The following EAF2 variants were observed in gnomAD, a reference collection of about 807,000 sequenced individuals.
EAF2 encodes ELL associated factor 2, also known as ELL-associated factor 2.
Under a neutral mutation model 29.4 loss-of-function variants are expected in EAF2, and 29 were observed. The observed-to-expected ratio is 0.99, with a 90% CI of 0.73 to 1.35. The LOEUF (loss-of-function observed/expected upper bound fraction) is 1.35. Ranked by LOEUF, EAF2 falls within the 40% of genes most tolerant of loss-of-function variation. The probability of loss-of-function intolerance (pLI) is 0.00; values close to 1 mark genes in which losing one functional copy is unlikely to be tolerated. For missense variants in EAF2, 292 were observed against 312.0 expected, an observed-to-expected ratio of 0.94 and a Z score of 0.48; for synonymous variants, 103 against 102.5, an observed-to-expected ratio of 1.00 and a Z score of -0.03.
intron 5 of EAF2, among the ~76,000 whole-genome samples, chr3:121,873,589 A>G (rs993914614): frequency 2.0e-5 from 3 of 151,778 alleles, no homozygotes; most frequent in African/African-American, 7.2e-5. Flanking sequence ...TTTTTTCACA[A>G]TTCTAATACA....
intron 4 of EAF2, among the ~76,000 whole-genome samples, chr3:121,870,747 A>G (rs1236561350): frequency 2.0e-5 from 3 of 152,186 alleles, no homozygotes; most frequent in Non-Finnish European, 2.9e-5. Flanking sequence ...TGGACAAAAG[A>G]TTTGAACAGG....
chr3:121,859,484 T>G (rs946555621), intron 4 of EAF2, among the ~76,000 whole-genome samples: 1 of 152,152 alleles, frequency 6.6e-6, no homozygotes, highest in Non-Finnish European at 1.5e-5. Context: ...TTGTTATTGG[T>G]GTATAGGAAT....
intron 5 of EAF2, among the ~76,000 whole-genome samples, chr3:121,874,044 A>G (rs372867573): frequency 6.6e-6 from 1 of 151,842 alleles, no homozygotes; most frequent in African/African-American, 2.4e-5. Context: ...TTTGCTTATC[A>G]TTGAATTCTT....
intron 2 of EAF2, 73 bp downstream of exon 2, chr3:121,844,620 C>T: frequency 2.0e-6 from 2 of 1,022,444 alleles, no homozygotes; most frequent in South Asian, 1.5e-5. Flanking sequence ...AATAATTGCA[C>T]AATTTGTGTA....
chr3:121,884,191 T>A (rs1709238153), intron 5 of EAF2, among the ~76,000 whole-genome samples: 1 of 151,242 alleles, frequency 6.6e-6, no homozygotes, highest in African/African-American at 2.4e-5. Flanking sequence ...TACAAAAAAA[T>A]TAGCCAGGCA....
intron 5 of EAF2, among the ~76,000 whole-genome samples, chr3:121,885,005 C>T (rs779480660): frequency 1.3e-5 from 2 of 152,184 alleles, no homozygotes; most frequent in Non-Finnish European, 2.9e-5. Context: ...CAGCCTCTAC[C>T]TTTAGCTCCA....
chr3:121,844,413 A>G, intron 1 of EAF2, 40 bp from the exon 2 acceptor site: 1 of 1,220,526 alleles, frequency 8.2e-7, no homozygotes, highest in Non-Finnish European at 1.2e-6. Context: ...TCCAAATATC[A>G]TTACATTTTA....
intron 4 of EAF2, among the ~76,000 whole-genome samples, chr3:121,871,303 T>C (rs182770177): frequency 6.7e-6 from 1 of 148,954 alleles, no homozygotes; most frequent in African/African-American, 2.5e-5. Flanking sequence ...GTGAATCTAT[T>C]TGTATGAAGT....
At chr3:121,855,330 A>G (rs1285555775) in intron 3 of EAF2, among the ~76,000 whole-genome samples, 1 of 152,204 alleles carries the variant, frequency 6.6e-6, no homozygotes, top group Non-Finnish European at 1.5e-5. Flanking sequence ...TTACCCTGTA[A>G]TATAAGGATG....
chr3:121,865,341 G>A (rs1159255170), intron 4 of EAF2, among the ~76,000 whole-genome samples: 1 of 152,154 alleles, frequency 6.6e-6, no homozygotes, highest in African/African-American at 2.4e-5. Context: ...CTTAGTATGA[G>A]AATGGAACTT....
intron 5 of EAF2, among the ~76,000 whole-genome samples, chr3:121,878,201 A>G (rs1709134109): frequency 6.6e-6 from 1 of 152,140 alleles, no homozygotes; most frequent in Admixed American, 6.6e-5. Context: ...GGCTGAGAAG[A>G]AAAATAGAAA....
chr3:121,840,694 C>T (rs999903693), intron 1 of EAF2, among the ~76,000 whole-genome samples: 3 of 149,230 alleles, frequency 2.0e-5, no homozygotes, highest in African/African-American at 7.4e-5. Flanking sequence ...GTGGTCCCAG[C>T]CATTCGGGAG....
chr3:121,872,444 A>G (rs1709030031), intron 4 of EAF2, 93 bp from the exon 5 acceptor site: 1 of 1,019,440 alleles, frequency 9.8e-7, no homozygotes, highest in Non-Finnish European at 1.4e-6. Context: ...TTTTAGTTTC[A>G]ACAGTTTCTT....
At chr3:121,856,002 A>T (rs1708710684) in intron 3 of EAF2, among the ~76,000 whole-genome samples, 1 of 152,192 alleles carries the variant, frequency 6.6e-6, no homozygotes, top group Admixed American at 6.5e-5. Flanking sequence ...GAGGGCAGGA[A>T]TGAAGAGAAA....
At chr3:121,870,267 C>CA (rs1357610980) in intron 4 of EAF2, among the ~76,000 whole-genome samples, 3 of 152,028 alleles carry the variant, frequency 2.0e-5, no homozygotes, top group Non-Finnish European at 2.9e-5. Flanking sequence ...AACTTAAACT[C>CA]AAAAATTATC....
At chr3:121,844,944 TA>T (rs1247252984) in intron 2 of EAF2, among the ~76,000 whole-genome samples, 1 of 152,190 alleles carries the variant, frequency 6.6e-6, no homozygotes, top group Non-Finnish European at 1.5e-5. Flanking sequence ...ACCACATAAG[TA>T]GAAGCAAATA....
intron 1 of EAF2, among the ~76,000 whole-genome samples, chr3:121,841,228 G>A (rs937102678): frequency 6.6e-6 from 1 of 152,198 alleles, no homozygotes; most frequent in Non-Finnish European, 1.5e-5. Context: ...GGACTACCGG[G>A]CATGGTGGCT....
intron 2 of EAF2, 120 bp downstream of exon 2, chr3:121,844,667 A>G (rs532368504): frequency 4.6e-4 from 259 of 563,046 alleles, no homozygotes; most frequent in Non-Finnish European, 7.1e-4. Flanking sequence ...AGCACAGATA[A>G]GCAAAAACCA....
At chr3:121,857,532 A>G (rs997628877) in intron 4 of EAF2, among the ~76,000 whole-genome samples, 8 of 151,810 alleles carry the variant, frequency 5.3e-5, no homozygotes, top group Admixed American at 4.6e-4. Flanking sequence ...GAATTTTTTC[A>G]TTTTAATTAA....
Sources: allele counts gnomAD v4.1 joint callset (sites outside exome capture counted in the v4.1 genomes callset), GRCh38; gene constraint gnomAD v4.1.1; transcripts MANE v1.5; gene names NCBI Gene and HGNC (gene_info 2026-07-23, HGNC 2026-07-21).